CPEB1: variants seen among roughly 807,000 people sequenced by gnomAD.
CPEB1 encodes cytoplasmic polyadenylation element-binding protein 1.
In CPEB1, 7 loss-of-function variants were observed where a neutral mutation model predicts 65.8. That is an observed-to-expected ratio of 0.11 (90% CI 0.06 to 0.20). The LOEUF (loss-of-function observed/expected upper bound fraction) is 0.20, where lower values mean the gene tolerates loss of function less well. CPEB1 is among the 10% of genes least tolerant of loss of function. The pLI, the probability that CPEB1 is intolerant of heterozygous loss-of-function variation, is 1.00. For missense variants in CPEB1, 551 were observed against 712.2 expected (o/e 0.77, Z 2.58); for synonymous variants, 262 against 260.0 (o/e 1.01, Z -0.08).
Position 82,613,770 on chromosome 15 carries a change from C to T in CPEB1, c.271+13423G>A, listed in dbSNP as rs577395583. ...TAAAGGAGAAATGCTAAGAAGTTCA[C>T]TCACAACCCCTCCCCTAAGACTGGA... On this transcript the variant is annotated intron_variant, in intron 3 of 12. Transcript: ENST00000684509. Among the ~76,000 whole-genome samples the T allele has an allele frequency of 3.3e-5, 5 of 152,098 alleles. No individual in the cohort carries two copies. The South Asian group carries it at 1.0e-3, about 32-fold the overall frequency.
At chr15:82,626,455 A>G (rs1182313224) in intron 3 of CPEB1, among the ~76,000 whole-genome samples, 2 of 151,932 alleles carry the variant, frequency 1.3e-5, no homozygotes, top group Non-Finnish European at 2.9e-5. Context: ...GAAAGAAAGA[A>G]AAAGAAAATA....
intron 4 of CPEB1, among the ~76,000 whole-genome samples, chr15:82,568,816 T>C (rs2151035513): frequency 6.6e-6 from 1 of 152,334 alleles, no homozygotes; most frequent in Middle Eastern, 3.4e-3. Context: ...TTAATCAATG[T>C]TGTACTTCCA....
intron 12 of CPEB1, among the ~76,000 whole-genome samples, chr15:82,545,240 G>A (rs141992894): frequency 1.3e-5 from 2 of 152,220 alleles, no homozygotes; most frequent in African/African-American, 4.8e-5. Context: ...GAAAGATCCA[G>A]ATCCATAAAA....
intron 9 of CPEB1, among the ~76,000 whole-genome samples, chr15:82,552,082 G>C (rs984089582): frequency 6.6e-5 from 10 of 152,202 alleles, no homozygotes; most frequent in Admixed American, 4.6e-4. Flanking sequence ...ACAAGGCACA[G>C]GAAGGGCAGG....
At chr15:82,620,846 G>C (rs1401396414) in intron 3 of CPEB1, among the ~76,000 whole-genome samples, 1 of 152,152 alleles carries the variant, frequency 6.6e-6, no homozygotes, top group African/African-American at 2.4e-5. Context: ...GTAAACTAGA[G>C]ACTGAAAGGA....
At chr15:82,569,272 G>T (rs896469157) in intron 4 of CPEB1, among the ~76,000 whole-genome samples, 2 of 152,174 alleles carry the variant, frequency 1.3e-5, no homozygotes, top group Non-Finnish European at 2.9e-5. Context: ...AGAGCCCAGG[G>T]AAAGAAGAGC....
intron 4 of CPEB1, among the ~76,000 whole-genome samples, chr15:82,564,126 A>G (rs2038703361): frequency 6.6e-6 from 1 of 152,212 alleles, no homozygotes; most frequent in African/African-American, 2.4e-5. Context: ...TCCTACTCCA[A>G]TAGCAATTAG....
intron 3 of CPEB1, among the ~76,000 whole-genome samples, chr15:82,595,360 T>C (rs1014493958): frequency 6.6e-6 from 1 of 152,240 alleles, no homozygotes; most frequent in African/African-American, 2.4e-5. Context: ...GTGATTAACC[T>C]TGAGTAACCG....
chr15:82,589,657 G>T (rs1447921870), intron 3 of CPEB1, among the ~76,000 whole-genome samples: 1 of 151,516 alleles, frequency 6.6e-6, no homozygotes, highest in Non-Finnish European at 1.5e-5. Flanking sequence ...GGCAGGAGAG[G>T]TTGCAGTGAG....
chr15:82,544,924 T>C (rs1406821079), intron 12 of CPEB1, among the ~76,000 whole-genome samples: 2 of 152,198 alleles, frequency 1.3e-5, no homozygotes, highest in Admixed American at 6.5e-5. Flanking sequence ...TACTTAAACA[T>C]GTTGGGCTCG....
chr15:82,584,089 C>A (rs2041540136), intron 3 of CPEB1, among the ~76,000 whole-genome samples: 1 of 151,394 alleles, frequency 6.6e-6, no homozygotes, highest in South Asian at 2.1e-4. Flanking sequence ...GAAACCCAGT[C>A]TCTATTAAAA....
In CPEB1 at chr15:82,582,397, G is replaced by A. The variant is rs369392691; in HGVS notation, c.272-10865C>T. ...ATCCTGGCACCAGCTAAGAAAGTCAGCCACAAAAGAAAGCAGGAAAGAAGC... is the reference window on the plus strand; with the variant it reads ...ATCCTGGCACCAGCTAAGAAAGTCAACCACAAAAGAAAGCAGGAAAGAAGC... On this transcript the variant is annotated intron_variant, in intron 3 of 12. Coordinates refer to ENST00000684509, the MANE Select transcript of CPEB1 (RefSeq NM_001365242.1). Among the ~76,000 whole-genome samples the A allele has an allele frequency of 1.2e-4, 18 of 152,290 alleles. No individual in the cohort carries two copies. The East Asian group carries it at 3.5e-3, about 29-fold the overall frequency.
intron 3 of CPEB1, among the ~76,000 whole-genome samples, chr15:82,586,737 C>A (rs146261140): frequency 2.4e-3 from 369 of 152,268 alleles, no homozygotes; most frequent in African/African-American, 8.5e-3. Context: ...AATTTAGATT[C>A]ACACATACAG....
At chr15:82,546,371 AG>A in intron 12 of CPEB1, 69 bp downstream of exon 12, 2 of 1,245,582 alleles carry the variant, frequency 1.6e-6, no homozygotes, top group Non-Finnish European at 2.4e-6. Flanking sequence ...CTGGGATTAC[AG>A]GTGTGAACCA....
chr15:82,544,760 G>T, intron 12 of CPEB1, 58 bp from the exon 13 acceptor site: 1 of 1,278,966 alleles, frequency 7.8e-7, no homozygotes. Flanking sequence ...AGACACAGGA[G>T]CTGTTGCACG....
intron 3 of CPEB1, among the ~76,000 whole-genome samples, chr15:82,600,920 T>A (rs1346637380): frequency 7.6e-6 from 1 of 130,814 alleles, no homozygotes; most frequent in Non-Finnish European, 1.7e-5. Context: ...TTTTTTTTTT[T>A]TGGAGACAAA....
chr15:82,612,796 T>C (rs2151254166), intron 3 of CPEB1, among the ~76,000 whole-genome samples: 1 of 152,116 alleles, frequency 6.6e-6, no homozygotes, highest in African/African-American at 2.4e-5. Context: ...ACTGCACCAC[T>C]GCACTCCAGC....
intron 3 of CPEB1, among the ~76,000 whole-genome samples, chr15:82,589,977 C>G (rs1395765120): frequency 6.6e-6 from 1 of 152,080 alleles, no homozygotes; most frequent in Non-Finnish European, 1.5e-5. Flanking sequence ...ACATCAGGGA[C>G]TTCGGCATTT....
intron 3 of CPEB1, among the ~76,000 whole-genome samples, chr15:82,576,191 C>T (rs1052303233): frequency 6.6e-6 from 1 of 151,992 alleles, no homozygotes; most frequent in Non-Finnish European, 1.5e-5. Context: ...TGGAAAAAGC[C>T]GTACATAAGT....
Sources: allele counts gnomAD v4.1 joint callset (sites outside exome capture counted in the v4.1 genomes callset), GRCh38; gene constraint gnomAD v4.1.1; transcripts MANE v1.5; gene names NCBI Gene and HGNC (gene_info 2026-07-23, HGNC 2026-07-21).